EDA: variants seen among roughly 807,000 people sequenced by gnomAD.
EDA encodes ectodysplasin A.
In EDA, 2 loss-of-function variants were observed where a neutral mutation model predicts 23.6. The ratio of observed to expected loss-of-function variants is 0.08; its 90% CI spans 0.03 to 0.27. The LOEUF (loss-of-function observed/expected upper bound fraction) is 0.27, where lower values mean the gene tolerates loss of function less well. Ranked by LOEUF, EDA falls within the 10% of genes least tolerant of loss-of-function variation. The pLI is 1.00. For synonymous variants in EDA, 131 were observed against 132.0 expected (o/e 0.99, Z 0.05); for missense variants, 229 against 324.2 (o/e 0.71, Z 2.26).
intron 2 of EDA, among the ~76,000 whole-genome samples, chrX:69,975,603 A>G (rs945773544): frequency 1.8e-5 from 2 of 111,657 alleles, no homozygotes; most frequent in Non-Finnish European, 3.8e-5. Context: ...AAACCTGCAC[A>G]TGTACTCCCT....
At chrX:69,793,882 TAGGG>T (rs2065981422) in intron 1 of EDA, among the ~76,000 whole-genome samples, 1 of 110,901 alleles carries the variant, frequency 9.0e-6, no homozygotes, top group Non-Finnish European at 1.9e-5. Context: ...TGGGTTAACT[TAGGG>T]AGGGTAGATT....
chrX:69,667,537 A>G (rs1933728098), intron 1 of EDA, among the ~76,000 whole-genome samples: 1 of 110,340 alleles, frequency 9.1e-6, no homozygotes, highest in South Asian at 3.8e-4. Flanking sequence ...TTTTCAAACA[A>G]CCAACTCTTA....
intron 2 of EDA, among the ~76,000 whole-genome samples, chrX:70,014,052 T>C (rs1290374581): frequency 8.9e-6 from 1 of 112,290 alleles, no homozygotes; most frequent in African/African-American, 3.2e-5. Context: ...CCATTGCCAC[T>C]GCCAAGGTCC....
chrX:69,728,152 G>A (rs1047740057), intron 1 of EDA, among the ~76,000 whole-genome samples: 1 of 109,456 alleles, frequency 9.1e-6, no homozygotes, highest in Non-Finnish European at 1.9e-5. Flanking sequence ...GGCTGACGTG[G>A]GAGAATCACT....
intron 1 of EDA, among the ~76,000 whole-genome samples, chrX:69,915,535 G>A (rs778163960): frequency 3.8e-4 from 42 of 109,331 alleles, no homozygotes; most frequent in African/African-American, 1.3e-3. Flanking sequence ...CCCAGGAGGC[G>A]GAGGTTGCAG....
intron 1 of EDA, among the ~76,000 whole-genome samples, chrX:69,900,015 T>C (rs1014782646): frequency 1.8e-5 from 2 of 111,463 alleles, no homozygotes; most frequent in African/African-American, 6.5e-5. Flanking sequence ...TTTCCTCATC[T>C]GAAAAATGGG....
intron 1 of EDA, among the ~76,000 whole-genome samples, chrX:69,685,154 T>G (rs747716756): frequency 5.4e-5 from 6 of 112,063 alleles, no homozygotes; most frequent in Non-Finnish European, 7.5e-5. Context: ...CAGGGAGAGA[T>G]CGAGAGCCAA....
chrX:69,831,765 T>C (rs2016615477), intron 1 of EDA, among the ~76,000 whole-genome samples: 1 of 112,586 alleles, frequency 8.9e-6, no homozygotes, highest in Non-Finnish European at 1.9e-5. Context: ...CTTATTGTGG[T>C]TTTGATTTGC....
intron 1 of EDA, among the ~76,000 whole-genome samples, chrX:69,693,427 A>G (rs1934767877): frequency 9.0e-6 from 1 of 111,731 alleles, no homozygotes; most frequent in Non-Finnish European, 1.9e-5. Context: ...ATTAAGTGCT[A>G]TATATATACT....
chrX:69,617,999 A>AT (rs2147200783), intron 1 of EDA, among the ~76,000 whole-genome samples: 1 of 111,494 alleles, frequency 9.0e-6, no homozygotes. Context: ...TCCAATTTAT[A>AT]TAACAGCTTA....
At chrX:69,912,735 G>T (rs1349502203) in intron 1 of EDA, among the ~76,000 whole-genome samples, 2 of 32,199 alleles carry the variant, frequency 6.2e-5, no homozygotes, top group East Asian at 6.2e-4. Flanking sequence ...CTAGAGCTGA[G>T]GCAGGATGGA....
chrX:69,640,354 A>C (rs896682437), intron 1 of EDA, among the ~76,000 whole-genome samples: 2 of 112,291 alleles, frequency 1.8e-5, no homozygotes, highest in African/African-American at 3.2e-5. Flanking sequence ...TAAAATGTTC[A>C]GTACACTTCC....
intron 1 of EDA, among the ~76,000 whole-genome samples, chrX:69,835,960 A>C (rs2147551648): frequency 8.9e-6 from 1 of 111,798 alleles, no homozygotes; most frequent in South Asian, 3.8e-4. Flanking sequence ...TTTCCTTCTA[A>C]CAGTTAGGTC....
intron 1 of EDA, among the ~76,000 whole-genome samples, chrX:69,825,914 G>T (rs1029470530): frequency 1.8e-5 from 2 of 109,095 alleles, no homozygotes; most frequent in African/African-American, 6.7e-5. Context: ...GTTCTCGTTG[G>T]TTTCAAAGAA....
chrX:69,745,379 AG>A (rs1186555656), intron 1 of EDA, among the ~76,000 whole-genome samples: 1 of 111,753 alleles, frequency 8.9e-6, no homozygotes, highest in East Asian at 2.8e-4. Flanking sequence ...TTTGGTAAAA[AG>A]GTAGTTCTTG....
chrX:69,981,748 GTAT>G (rs779907910), intron 2 of EDA, among the ~76,000 whole-genome samples: 3 of 112,144 alleles, frequency 2.7e-5, no homozygotes, highest in African/African-American at 6.5e-5. Context: ...TGTGAAGTTA[GTAT>G]TATTATTCTC....
intron 1 of EDA, among the ~76,000 whole-genome samples, chrX:69,751,163 A>G (rs1366371243): frequency 9.6e-6 from 1 of 104,605 alleles, no homozygotes; most frequent in Non-Finnish European, 2.0e-5. Flanking sequence ...TTTAGGTCTA[A>G]CATTTAAGTC....
At chrX:69,714,940 TA>T (rs1669065705) in intron 1 of EDA, among the ~76,000 whole-genome samples, 1 of 110,948 alleles carries the variant, frequency 9.0e-6, no homozygotes, top group South Asian at 3.9e-4. Context: ...TTAGGATTTT[TA>T]TAGGAATTAT....
intron 1 of EDA, among the ~76,000 whole-genome samples, chrX:69,618,527 G>A (rs1449558808): frequency 8.9e-6 from 1 of 111,762 alleles, no homozygotes; most frequent in Non-Finnish European, 1.9e-5. Flanking sequence ...AGTCCATTTC[G>A]TTTGATTCCC....
Sources: allele counts gnomAD v4.1 joint callset (sites outside exome capture counted in the v4.1 genomes callset), GRCh38; gene constraint gnomAD v4.1.1; transcripts MANE v1.5; gene names NCBI Gene and HGNC (gene_info 2026-07-23, HGNC 2026-07-21).